TPR: variants seen among roughly 807,000 people sequenced by gnomAD.
The protein encoded by TPR is translocated promoter region, nuclear basket protein.
In TPR, 51 loss-of-function variants were observed where a neutral mutation model predicts 316.1. The ratio of observed to expected loss-of-function variants is 0.16; its 90% CI spans 0.13 to 0.20. The LOEUF is 0.20. Ranked by LOEUF, TPR falls within the 10% of genes least tolerant of loss-of-function variation. The pLI is 1.00. For synonymous variants in TPR, 981 were observed against 914.7 expected (o/e 1.07, Z -1.31); for missense variants, 2,272 against 2,754.8 (o/e 0.82, Z 3.92).
chr1:186,347,142 G>A (rs1206355567), intron 22 of TPR, 150 bp downstream of exon 22: 1 of 753,620 alleles, frequency 1.3e-6, no homozygotes, highest in African/African-American at 1.8e-5. Context: ...TGTTTTATCT[G>A]GCTTATGAGA....
intron 6 of TPR, 100 bp from the exon 7 acceptor site, chr1:186,362,480 C>A: frequency 1.2e-6 from 1 of 835,822 alleles, no homozygotes; most frequent in Non-Finnish European, 1.9e-6. Context: ...GTAACTCCCC[C>A]TCCCCACCTG....
chr1:186,321,404 C>G (rs941842020), intron 45 of TPR, among the ~76,000 whole-genome samples: 1 of 152,174 alleles, frequency 6.6e-6, no homozygotes, highest in African/African-American at 2.4e-5. Context: ...AGCCTTTCAA[C>G]CGTTTAAGAG....
At chr1:186,324,199 C>A (rs1657851030) in intron 42 of TPR, among the ~76,000 whole-genome samples, 1 of 151,984 alleles carries the variant, frequency 6.6e-6, no homozygotes, top group South Asian at 2.1e-4. Context: ...AAGCTCTTAG[C>A]TCGACCTATG....
intron 30 of TPR, among the ~76,000 whole-genome samples, chr1:186,338,963 A>G (rs1658419980): frequency 1.3e-5 from 2 of 152,204 alleles, no homozygotes; most frequent in Non-Finnish European, 1.5e-5. Flanking sequence ...GTACGTATAT[A>G]TATCACAAAA....
Position 186,312,870 on chromosome 1 carries a change from TATG to T in TPR, c.*1098_*1100del, listed in dbSNP as rs1269346077. On this transcript the variant is annotated 3_prime_UTR_variant, in exon 51 of 51. Coordinates refer to ENST00000367478, the MANE Select transcript of TPR (RefSeq NM_003292.3). ...GCCCAACATCAGAAAACCTGACGGC[TATG>T]ATTACTATGCCTTTTCTAAAGGTAA... 2.5e-6 allele frequency: 4 copies of T among 1,612,452 alleles called. No individual in the cohort carries two copies. The highest frequency in any genetic ancestry group is 1.7e-6 in the Non-Finnish European group (2 of 1,178,594).
chr1:186,357,431 T>C lies in TPR; in HGVS notation c.1690A>G (p.Arg564Gly). Residue 564 changes from arginine (R) to glycine (G), a missense_variant, in exon 14 of 51, where the codon AGA becomes GGA. This residue lies in a region of TPR where 757 missense variants were observed against 859.8 expected (regional missense o/e 0.88). Coordinates refer to ENST00000367478, the MANE Select transcript of TPR (RefSeq NM_003292.3). The stretch of plus-strand genomic sequence containing the variant: ...GTTGTTTCTTGTTCTTCTCTTTCTC[T>C]GGTTTCCCCAAGCTCTCTAAGGGCC... ...LVALRELGET[R>G]EREEQETTSS... 6.2e-7 allele frequency: 1 copy of C among 1,614,068 alleles called. No individual in the cohort carries two copies. Among genetic ancestry groups the C allele is most frequent in the South Asian group, 1.1e-5 (1 of 91,086 alleles).
intron 46 of TPR, 57 bp downstream of exon 46, chr1:186,320,255 A>T: frequency 1.4e-6 from 2 of 1,412,874 alleles, no homozygotes; most frequent in Non-Finnish European, 1.9e-6. Flanking sequence ...ATCACATCTT[A>T]ATAGTTTATT....
rs528324975 is a variant in TPR at position 186,362,406 on chromosome 1, G to T, written c.697-26C>A. The T allele has an allele frequency of 1.9e-6, 3 of 1,560,198 alleles. No individual in the cohort carries two copies. The South Asian group carries it at 3.3e-5, about 17-fold the overall frequency. On this transcript the variant is annotated intron_variant, in intron 6 of 50. Transcript: ENST00000367478. Reference sequence around the variant, plus strand: ...CTAAAAACAAAAAATAGAGCAGGGGGAAAGGATGTCATATTAACTGAAATT... The same window carrying T: ...CTAAAAACAAAAAATAGAGCAGGGGTAAAGGATGTCATATTAACTGAAATT...
Position 186,318,778 on chromosome 1 carries a change from C to T in TPR, c.6619G>A (p.Gly2207Ser). 6.2e-7 allele frequency: 1 copy of T among 1,614,128 alleles called. No individual in the cohort carries two copies. Among genetic ancestry groups the T allele is most frequent in the African/African-American group, 1.3e-5 (1 of 75,018 alleles). The change falls in exon 47 of 51, where the codon GGT becomes AGT. Residue 2207 changes from glycine to serine, a missense_variant. Physicochemically the swap from Gly to Ser is moderately conservative, Grantham distance 56 (BLOSUM62 0). Coordinates refer to ENST00000367478, the MANE Select transcript of TPR (RefSeq NM_003292.3). Reference sequence around the variant, plus strand: ...GGAGTAGTGGGAACACTTCGGCCACCTGACTCTTCTTCATGAGCTAGGAAC... The same window carrying T: ...GGAGTAGTGGGAACACTTCGGCCACTTGACTCTTCTTCATGAGCTAGGAAC... Reference protein sequence around the residue: ...PLFLAHEEESGGRSVPTTPLQ... With the variant: ...PLFLAHEEESSGRSVPTTPLQ...
rs778353735 is a variant in TPR at position 186,358,613 on chromosome 1, T to C, written c.1427A>G (p.Asn476Ser). Residue 476 changes from asparagine to serine, a missense_variant, in exon 13 of 51, where the codon AAC (asparagine) becomes AGC (serine). Transcript: ENST00000367478. ...TCTCTCAAGTACAGATGATTGCTTG[T>C]TGGCTTTATCAGTGTCCTCCTGCAA... is the stretch of plus-strand genomic sequence containing the variant. ...QRLQEDTDKA[N>S]KQSSVLERDN... The C allele has an allele frequency of 4.3e-6, 7 of 1,612,652 alleles. No individual in the cohort carries two copies. In the East Asian group the frequency reaches 8.9e-5, roughly 21 times the overall value.
intron 43 of TPR, 97 bp from the exon 44 acceptor site, chr1:186,322,683 A>G: frequency 8.2e-7 from 1 of 1,226,856 alleles, no homozygotes; most frequent in Middle Eastern, 1.9e-4. Flanking sequence ...CGCTGCCAAC[A>G]AAATAGTTAG....
intron 49 of TPR, among the ~76,000 whole-genome samples, chr1:186,316,975 A>G (rs754196873): frequency 7.9e-5 from 12 of 152,262 alleles, no homozygotes; most frequent in Non-Finnish European, 1.2e-4. Context: ...AACTGTTTAC[A>G]TCAGTAAATT....
At chr1:186,336,762 A>T (rs887394803) in intron 32 of TPR, 68 bp from the exon 33 acceptor site, 112 of 1,491,306 alleles carry the variant, frequency 7.5e-5, no homozygotes, top group South Asian at 6.1e-5. Flanking sequence ...TGTGGTAGCA[A>T]CTTAAAGTAT....
intron 4 of TPR, among the ~76,000 whole-genome samples, chr1:186,364,096 G>C (rs1659267643): frequency 6.6e-6 from 1 of 152,060 alleles, no homozygotes; most frequent in Non-Finnish European, 1.5e-5. Flanking sequence ...TGAAGTTTTT[G>C]CATATTTGTC....
At chr1:186,316,225 T>A (rs1010110055) in intron 49 of TPR, among the ~76,000 whole-genome samples, 10 of 152,136 alleles carry the variant, frequency 6.6e-5, no homozygotes, top group Admixed American at 6.5e-4. Flanking sequence ...GTTATACATT[T>A]TTTAAGCCTT....
In TPR at chr1:186,312,912, AG is replaced by A; in HGVS notation, c.*1058del. Reference sequence around the variant, plus strand: ...TTCTAAAGGTAAGGTATTAACTAACAGTTTCCCAAGGAGGTGATATCATTTG... The same window carrying A: ...TTCTAAAGGTAAGGTATTAACTAACATTTCCCAAGGAGGTGATATCATTTG... On this transcript the variant is annotated 3_prime_UTR_variant, in exon 51 of 51. Coordinates refer to ENST00000367478, the MANE Select transcript of TPR (RefSeq NM_003292.3). The A allele has an allele frequency of 6.2e-7, 1 of 1,604,576 alleles. No individual in the cohort carries two copies. The highest frequency in any genetic ancestry group is 8.5e-7 in the Non-Finnish European group (1 of 1,171,368).
chr1:186,359,454 G>C (rs914041217), intron 12 of TPR, among the ~76,000 whole-genome samples: 1 of 151,902 alleles, frequency 6.6e-6, no homozygotes, highest in Non-Finnish European at 1.5e-5. Context: ...AATGATTATG[G>C]CAAATAGGAG....
At chr1:186,350,083 G>A in intron 21 of TPR, 140 bp downstream of exon 21, 2 of 848,806 alleles carry the variant, frequency 2.4e-6, no homozygotes, top group South Asian at 4.6e-5. Context: ...ACTATATAAA[G>A]AAAAAGTTGG....
chr1:186,371,945 C>T (rs939486361), intron 2 of TPR, among the ~76,000 whole-genome samples: 5 of 152,082 alleles, frequency 3.3e-5, no homozygotes, highest in Non-Finnish European at 2.9e-5. Flanking sequence ...TCCCAGATCT[C>T]GTAAAAGCTG....
Sources: gnomAD v4.1 joint callset for allele counts (sites outside exome capture counted in the v4.1 genomes callset) on GRCh38, gnomAD v4.1.1 for gene constraint, gnomAD v4.1.1 regional missense constraint, MANE v1.5 for transcripts, NCBI Gene and HGNC (gene_info 2026-07-23, HGNC 2026-07-21) for gene names.